The following TRPM3 variants were observed in gnomAD, a reference collection of about 807,000 sequenced individuals.
TRPM3 encodes the protein transient receptor potential cation channel subfamily M member 3.
In TRPM3, 77 loss-of-function variants were observed where a neutral mutation model predicts 181.2. That is an observed-to-expected ratio of 0.42 (90% CI 0.35 to 0.51). TRPM3 has a LOEUF of 0.51. Ranked by LOEUF, TRPM3 falls within the 20% of genes least tolerant of loss-of-function variation. The probability of loss-of-function intolerance (pLI) is 0.01; values close to 1 mark genes in which losing one functional copy is unlikely to be tolerated. For missense variants in TRPM3, 1,759 were observed against 2,196.7 expected (o/e 0.80, Z 3.98); for synonymous variants, 745 against 796.4 (o/e 0.94, Z 1.09).
chr9:71,157,231 T>C (rs1380646256), intron 1 of TRPM3, among the ~76,000 whole-genome samples: 3 of 152,154 alleles, frequency 2.0e-5, no homozygotes, highest in African/African-American at 7.2e-5. Context: ...GGTTTGCTGA[T>C]CTAACAAATG....
At chr9:71,237,877 C>T (rs541897640) in intron 1 of TRPM3, among the ~76,000 whole-genome samples, 1 of 152,290 alleles carries the variant, frequency 6.6e-6, no homozygotes, top group South Asian at 2.1e-4. Flanking sequence ...CTAAATGCTG[C>T]ATGAAGCCTC....
At chr9:71,283,125 T>TC (rs1191487001) in intron 1 of TRPM3, among the ~76,000 whole-genome samples, 1 of 152,162 alleles carries the variant, frequency 6.6e-6, no homozygotes, top group Non-Finnish European at 1.5e-5. Flanking sequence ...CATTCACTCC[T>TC]CCTCCAAGTC....
chr9:71,328,983 C>T (rs1156425876), intron 1 of TRPM3, among the ~76,000 whole-genome samples: 1 of 152,180 alleles, frequency 6.6e-6, no homozygotes, highest in Non-Finnish European at 1.5e-5. Context: ...TCATTGGATT[C>T]AAAATTCTAT....
At chr9:71,085,608 C>T (rs904474430) in intron 1 of TRPM3, among the ~76,000 whole-genome samples, 10 of 151,734 alleles carry the variant, frequency 6.6e-5, no homozygotes, top group African/African-American at 2.4e-4. Flanking sequence ...CTCCACATCA[C>T]TAATCACCAG....
chr9:71,231,151 C>T (rs888142685), intron 1 of TRPM3, among the ~76,000 whole-genome samples: 3 of 152,058 alleles, frequency 2.0e-5, no homozygotes, highest in Non-Finnish European at 4.4e-5. Context: ...CCCCACAGCC[C>T]ATTTATTAAT....
In TRPM3 at chr9:70,610,590, GA is replaced by G. The variant is rs2061862371; in HGVS notation, c.2667+18del. 5.6e-6 allele frequency: 9 copies of G among 1,609,436 alleles called. No individual in the cohort carries two copies. In the East Asian group the frequency reaches 2.0e-4, roughly 36 times the overall value. ...CCTTGTGGCCATCCACTAGGAAGGA[GA>G]AAAGGAAATGTGCTTACTGTGTAGA... is the stretch of plus-strand genomic sequence containing the variant. On this transcript the variant is annotated intron_variant, in intron 19 of 25. Coordinates refer to ENST00000677713, the MANE Select transcript of TRPM3 (RefSeq NM_001366145.2).
At chr9:71,010,140 A>G (rs1468734909) in intron 1 of TRPM3, among the ~76,000 whole-genome samples, 2 of 152,188 alleles carry the variant, frequency 1.3e-5, no homozygotes, top group African/African-American at 4.8e-5. Context: ...AGAAGCAAAA[A>G]TAGGAAAAAT....
intron 1 of TRPM3, among the ~76,000 whole-genome samples, chr9:70,998,178 TATATAC>T (rs2097561541): frequency 6.8e-6 from 1 of 146,766 alleles, no homozygotes; most frequent in African/African-American, 2.5e-5. Flanking sequence ...TATACACATA[TATATAC>T]ATATATACAC....
At chr9:70,908,463 A>G (rs2096496652) in intron 1 of TRPM3, among the ~76,000 whole-genome samples, 1 of 152,266 alleles carries the variant, frequency 6.6e-6, no homozygotes, top group African/African-American at 2.4e-5. Context: ...ATGAAAGCTC[A>G]AGAAATGTGG....
intron 1 of TRPM3, among the ~76,000 whole-genome samples, chr9:71,116,789 T>G (rs888607188): frequency 6.6e-6 from 1 of 152,178 alleles, no homozygotes; most frequent in Non-Finnish European, 1.5e-5. Context: ...CTACATAGTT[T>G]TATCAGAAGG....
rs573358260 is a variant in TRPM3, at chr9:70,790,124, C to T, written c.974-5845G>A. 2.6e-5 allele frequency among the ~76,000 whole-genome samples: 4 copies of T among 152,282 alleles called. No homozygotes were observed. The South Asian group carries it at 8.3e-4, about 32-fold the overall frequency. The stretch of plus-strand genomic sequence containing the variant: ...TAAAATGCCTGGGTAAAATTTCAAT[C>T]AAACTAAATTAACTGTTAGGTTTTA... On this transcript the variant is annotated intron_variant, in intron 6 of 25. Transcript: ENST00000677713.
rs1386465651 is a variant in TRPM3, at chr9:70,537,122, C to A, written c.3991G>T (p.Gly1331Cys). 2 of 1,607,708 alleles carry A rather than the reference C, an allele frequency of 1.2e-6. No homozygotes were observed. Among genetic ancestry groups the A allele is most frequent in the African/African-American group, 2.7e-5 (2 of 74,790 alleles). Reference protein sequence around the residue: ...FKLQESIDPAGEETMSPTSPT... With the variant: ...FKLQESIDPACEETMSPTSPT... ...GAAGTTGGGGACATGGTCTCCTCAC[C>A]TGCAGGGTCTATACTCTCTTGGAGC... Residue 1331 changes from glycine to cysteine, a missense_variant, in exon 26 of 26, where the codon GGT becomes TGT. Gly to Cys is a radical substitution (Grantham distance 159). Around this residue, in one of 8 missense-constraint regions of TRPM3, gnomAD observed 612 missense variants for 590.0 expected, o/e 1.04. Coordinates refer to ENST00000677713, the MANE Select transcript of TRPM3 (RefSeq NM_001366145.2).
At chr9:70,950,745 G>A (rs755440712) in intron 1 of TRPM3, among the ~76,000 whole-genome samples, 106 of 152,028 alleles carry the variant, frequency 7.0e-4, no homozygotes, top group Non-Finnish European at 8.2e-4. Context: ...AATCTCATCC[G>A]ACTTCTTCAG....
At chr9:71,399,820 T>C (rs1565534881) in intron 1 of TRPM3, among the ~76,000 whole-genome samples, 1 of 152,188 alleles carries the variant, frequency 6.6e-6, no homozygotes, top group Non-Finnish European at 1.5e-5. Flanking sequence ...CGTGAGCCAC[T>C]GCGCCCAGCC....
chr9:70,571,465 C>T (rs1289676345), intron 22 of TRPM3, among the ~76,000 whole-genome samples: 2 of 152,162 alleles, frequency 1.3e-5, no homozygotes, highest in Non-Finnish European at 2.9e-5. Flanking sequence ...TCTGAGCCGC[C>T]TGCCAGGGTT....
At chr9:71,253,359 T>C (rs1001381202) in intron 1 of TRPM3, among the ~76,000 whole-genome samples, 1 of 152,170 alleles carries the variant, frequency 6.6e-6, no homozygotes, top group Non-Finnish European at 1.5e-5. Context: ...TGGGGGACAT[T>C]TGGCAATATT....
At chr9:71,435,296 A>T (rs1047440270) in intron 1 of TRPM3, among the ~76,000 whole-genome samples, 21 of 152,232 alleles carry the variant, frequency 1.4e-4, no homozygotes, top group African/African-American at 5.1e-4. Flanking sequence ...GTTATATGCC[A>T]AATTCTAGTT....
At chr9:71,323,844 C>T (rs2132483253) in intron 1 of TRPM3, among the ~76,000 whole-genome samples, 1 of 152,132 alleles carries the variant, frequency 6.6e-6, no homozygotes, top group South Asian at 2.1e-4. Context: ...CTGGATTTCT[C>T]TTCTGATCCA....
chr9:70,914,476 G>T (rs1047964273), intron 1 of TRPM3, among the ~76,000 whole-genome samples: 1 of 152,232 alleles, frequency 6.6e-6, no homozygotes, highest in Non-Finnish European at 1.5e-5. Flanking sequence ...GAGATCATAT[G>T]ATGTGCCAAA....
Sources: gnomAD v4.1 joint callset for allele counts (sites outside exome capture counted in the v4.1 genomes callset) on GRCh38, gnomAD v4.1.1 for gene constraint, gnomAD v4.1.1 regional missense constraint, MANE v1.5 for transcripts, NCBI Gene and HGNC (gene_info 2026-07-23, HGNC 2026-07-21) for gene names.